Variants in EDC4 observed in about 807,000 individuals in gnomAD.
The protein encoded by EDC4 is enhancer of mRNA decapping 4.
A neutral mutation model predicts 155.8 loss-of-function variants in EDC4; 64 were observed. That is an observed-to-expected ratio of 0.41 (90% CI 0.34 to 0.51). The LOEUF (loss-of-function observed/expected upper bound fraction) is 0.51. EDC4 is among the 20% of genes least tolerant of loss of function. The pLI is 0.19. For missense variants in EDC4, 1,303 were observed against 1,812.5 expected (o/e 0.72, Z 5.10); for synonymous variants, 684 against 716.8 (o/e 0.95, Z 0.73).
Position 67,881,937 on chromosome 16 carries a change from C to A in EDC4, c.3005-17C>A, listed in dbSNP as rs2058069915. On this transcript the variant is annotated splice_polypyrimidine_tract_variant and intron_variant, in intron 22 of 28. Coordinates refer to ENST00000358933, the MANE Select transcript of EDC4 (RefSeq NM_014329.5). This position sits in a 1 kb window ranked among gnomAD's most constrained non-coding sequence, Gnocchi z 5.4. Reference sequence around the variant, plus strand: ...GTACACGACCTGCTCCAGGCCCGTTCCTTAGCTATGGCGCAGAGCGGCGGC... The same window carrying A: ...GTACACGACCTGCTCCAGGCCCGTTACTTAGCTATGGCGCAGAGCGGCGGC... The A allele has an allele frequency of 1.2e-6, 2 of 1,604,298 alleles. No homozygotes were observed. The highest frequency in any genetic ancestry group is 1.7e-6 in the Non-Finnish European group (2 of 1,173,646).
Position 67,879,806 on chromosome 16 carries a change from G to A in EDC4, c.1821+32G>A. 3 of 1,613,260 alleles carry A rather than the reference G, an allele frequency of 1.9e-6. No individual in the cohort carries two copies. Among genetic ancestry groups the A allele is most frequent in the Non-Finnish European group, 2.5e-6 (3 of 1,179,416 alleles). The stretch of plus-strand genomic sequence containing the variant: ...TCCCAGGGTAGGGGGACCTGGGAAT[G>A]CCTCAGCCACAGGCCACAGGTCTTA... On this transcript the variant is annotated intron_variant, in intron 15 of 28. Transcript: ENST00000358933. This position sits in a 1 kb window ranked among gnomAD's most constrained non-coding sequence, Gnocchi z 6.0.
In EDC4 at chr16:67,873,306, C is replaced by T. The variant is rs1319762140; in HGVS notation, c.45C>T (p.His15=). ...ASIDIEDATQ[H]LRDILKLDRP... ...TCGACATCGAGGACGCCACGCAGCA[C>T]CTGCGGGACATCCTCAAGCTGGACC... is the stretch of plus-strand genomic sequence containing the variant. Residue 15 remains histidine, a synonymous_variant, in exon 1 of 29, where the codon CAC becomes CAT. Coordinates refer to ENST00000358933, the MANE Select transcript of EDC4 (RefSeq NM_014329.5). 4 of 1,478,126 alleles carry T rather than the reference C, an allele frequency of 2.7e-6. No individual in the cohort carries two copies. Among genetic ancestry groups the T allele is most frequent in the East Asian group, 3.0e-5 (1 of 33,828 alleles). 91.6% of individuals were successfully genotyped at this position (1,478,126 alleles called of 1,614,324 possible). A position where few individuals can be genotyped will look rare whatever the true frequency, so the allele number is the denominator to read the frequency against.
chr16:67,876,840 A>G lies in EDC4; in HGVS notation c.352-33A>G. 6.2e-7 allele frequency: 1 copy of G among 1,610,428 alleles called. No individual in the cohort carries two copies. The highest frequency in any genetic ancestry group is 1.1e-5 in the South Asian group (1 of 90,466). ...TTGGGGGCCACCTAGGCTCTGGGGA[A>G]GTTCCATGACTTTTCTCACCCTGGG... is the stretch of plus-strand genomic sequence containing the variant. On this transcript the variant is annotated intron_variant, in intron 3 of 28. Transcript: ENST00000358933. This position sits in a 1 kb window ranked among gnomAD's most constrained non-coding sequence, Gnocchi z 5.8.
At chr16:67,873,747 C>T (rs1409028342) in intron 1 of EDC4, among the ~76,000 whole-genome samples, 1 of 152,150 alleles carries the variant, frequency 6.6e-6, no homozygotes. Context: ...GAAGAGCTGC[C>T]GGTCCCCCTC....
Position 67,882,389 on chromosome 16 carries a change from G to A in EDC4, c.3277-40G>A, listed in dbSNP as rs1209041865. ...TTCCTGGGCCTAGTCAGGCCAGGCT[G>A]GGCTCAGGCTTTCAACTTGGCCCCT... On this transcript the variant is annotated intron_variant, in intron 24 of 28. Transcript: ENST00000358933. The surrounding 1 kb of genome is among the most constrained non-coding windows in gnomAD (Gnocchi z 7.2). The A allele has an allele frequency of 1.2e-6, 2 of 1,612,680 alleles. No homozygotes were observed. The highest frequency in any genetic ancestry group is 2.2e-5 in the South Asian group (2 of 91,012).
intron 1 of EDC4, chr16:67,873,608 TG>T: frequency 2.6e-6 from 1 of 391,456 alleles, no homozygotes; most frequent in East Asian, 3.9e-5. Context: ...TGGGGCCCTC[TG>T]GTTTCCTGGC....
At position 67,883,694 on chromosome 16, in the gene EDC4, G is replaced by T. The variant is rs753572316; in HGVS notation, c.3976G>T (p.Ala1326Ser). 6.2e-7 allele frequency: 1 copy of T among 1,614,182 alleles called. No homozygotes were observed. The highest frequency in any genetic ancestry group is 8.5e-7 in the Non-Finnish European group (1 of 1,180,044). Residue 1326 changes from alanine to serine, a missense_variant, in exon 28 of 29, where the codon GCA (alanine) becomes TCA (serine). By Grantham distance (99) the Ala-to-Ser change is moderately conservative. This residue lies in a region of EDC4 where 527 missense variants were observed against 757.0 expected (regional missense o/e 0.70). Coordinates refer to ENST00000358933, the MANE Select transcript of EDC4 (RefSeq NM_014329.5). This position sits in a 1 kb window ranked among gnomAD's most constrained non-coding sequence, Gnocchi z 5.3. ...PVLLSLIQQL[A>S]SDLGTRTDLK... ...GCTCCTTTCCCTCATCCAGCAGCTG[G>T]CATCTGACCTTGGCACTCGAACTGA... is the stretch of plus-strand genomic sequence containing the variant.
chr16:67,878,892 G>A lies in EDC4; in HGVS notation c.1287+53G>A. 1.2e-6 allele frequency: 2 copies of A among 1,611,150 alleles called. No homozygotes were observed. The highest frequency in any genetic ancestry group is 1.3e-5 in the African/African-American group (1 of 75,054). On this transcript the variant is annotated intron_variant, in intron 11 of 28. Transcript: ENST00000358933. The surrounding 1 kb of genome is among the most constrained non-coding windows in gnomAD (Gnocchi z 5.2). ...GAGTTGGGATTATAGAGGAAGGCCGGGGGGCAGGTGGCGCATCACAGCCCT... is the reference window on the plus strand; with the variant it reads ...GAGTTGGGATTATAGAGGAAGGCCGAGGGGCAGGTGGCGCATCACAGCCCT...
chr16:67,882,764 C>T lies in EDC4; in HGVS notation c.3528C>T (p.Gly1176=). 1 of 1,614,240 alleles carries T rather than the reference C, an allele frequency of 6.2e-7. No individual in the cohort carries two copies. Among genetic ancestry groups the T allele is most frequent in the Non-Finnish European group, 8.5e-7 (1 of 1,180,050 alleles). Residue 1176 remains glycine, a synonymous_variant, in exon 26 of 29, where the codon GGC becomes GGT. Coordinates refer to ENST00000358933, the MANE Select transcript of EDC4 (RefSeq NM_014329.5). The surrounding 1 kb of genome is among the most constrained non-coding windows in gnomAD (Gnocchi z 7.2). ...AREPVLAQLR[G]LVSTLQSATE... ...AGCCTGTGCTAGCCCAGCTGCGGGG[C>T]CTGGTCAGCACACTGCAGAGTGCCA...
rs2058072405 is a variant in EDC4, at chr16:67,882,381, G to T, written c.3277-48G>T. The T allele has an allele frequency of 6.2e-7, 1 of 1,612,708 alleles. No individual in the cohort carries two copies. Among genetic ancestry groups the T allele is most frequent in the African/African-American group, 1.3e-5 (1 of 74,890 alleles). On this transcript the variant is annotated intron_variant, in intron 24 of 28. Transcript: ENST00000358933. The surrounding 1 kb of genome is among the most constrained non-coding windows in gnomAD (Gnocchi z 7.2). ...GGTGGTGGTTCCTGGGCCTAGTCAG[G>T]CCAGGCTGGGCTCAGGCTTTCAACT... is the stretch of plus-strand genomic sequence containing the variant.
rs1402001138 is a variant in EDC4, at chr16:67,884,443, G to T, written c.*295G>T. On this transcript the variant is annotated 3_prime_UTR_variant, in exon 29 of 29. Transcript: ENST00000358933. This position sits in a 1 kb window ranked among gnomAD's most constrained non-coding sequence, Gnocchi z 4.1. ...CATGTTCCTTTTTACCTCTAATTTG[G>T]ATCTTTTTGTTTTTGAAAAACATTG... is the stretch of plus-strand genomic sequence containing the variant. 4 of 522,228 alleles carry T rather than the reference G, an allele frequency of 7.7e-6. No individual in the cohort carries two copies. Among genetic ancestry groups the T allele is most frequent in the Non-Finnish European group, 1.4e-5 (4 of 296,184 alleles). The allele number at this position is 522,228 out of a possible 1,614,324, so 32.3% of individuals were successfully genotyped here.
At chr16:67,875,212 C>G (rs1361307007) in intron 1 of EDC4, among the ~76,000 whole-genome samples, 1 of 152,184 alleles carries the variant, frequency 6.6e-6, no homozygotes, top group Non-Finnish European at 1.5e-5. Context: ...ACACGCTGCC[C>G]CATAGTTTCT....
At position 67,873,231 on chromosome 16, in the gene EDC4, C is replaced by G; in HGVS notation, c.-31C>G. The stretch of plus-strand genomic sequence containing the variant: ...GTGCGCGGCGGCGGCGGAACGAACG[C>G]GGTGCGGGCGGGGCGCCCGCCGCAG... On this transcript the variant is annotated 5_prime_UTR_variant, in exon 1 of 29. Transcript: ENST00000358933. The G allele has an allele frequency of 7.3e-7, 1 of 1,372,954 alleles. No homozygotes were observed. The highest frequency in any genetic ancestry group is 1.6e-5 in the South Asian group (1 of 61,296). The allele number at this position is 1,372,954 out of a possible 1,614,324, so 85.0% of individuals were successfully genotyped here.
chr16:67,873,416 GGCCC>G, intron 1 of EDC4, 73 bp downstream of exon 1: 10 of 1,188,556 alleles, frequency 8.4e-6, no homozygotes, highest in Non-Finnish European at 1.1e-5. Context: ...CCGCCATTGG[GGCCC>G]ACAGCTCCCT....
In EDC4 at chr16:67,877,065, T is replaced by C; in HGVS notation, c.451+93T>C. 7.0e-6 allele frequency: 11 copies of C among 1,563,362 alleles called. No homozygotes were observed. The highest frequency in any genetic ancestry group is 9.5e-6 in the Non-Finnish European group (11 of 1,153,268). ...GGCCACTCAGGCCTTAGGGGTACAA[T>C]GGAAGGTTTGTCCATGCTGCCTCTT... On this transcript the variant is annotated intron_variant, in intron 4 of 28. Transcript: ENST00000358933. The surrounding 1 kb of genome is among the most constrained non-coding windows in gnomAD (Gnocchi z 4.9).
At chr16:67,875,902 G>A (rs1265391812) in intron 1 of EDC4, 43 bp from the exon 2 acceptor site, 8 of 1,590,624 alleles carry the variant, frequency 5.0e-6, no homozygotes, top group Non-Finnish European at 6.0e-6. Context: ...AGGCTTGTGG[G>A]CAGGTCGAGC....
chr16:67,882,673 C>T lies in EDC4; in HGVS notation c.3443-6C>T, dbSNP rs751654612. ...TCCTCTTATAGTCCCTGTGGTCACC[C>T]CTCAGACTTGCAGCAGCTAGAAAGC... is the stretch of plus-strand genomic sequence containing the variant. On this transcript the variant is annotated splice_region_variant and splice_polypyrimidine_tract_variant and intron_variant, in intron 25 of 28. Coordinates refer to ENST00000358933, the MANE Select transcript of EDC4 (RefSeq NM_014329.5). This position sits in a 1 kb window ranked among gnomAD's most constrained non-coding sequence, Gnocchi z 7.2. 5 of 1,614,236 alleles carry T rather than the reference C, an allele frequency of 3.1e-6. No individual in the cohort carries two copies. The highest frequency in any genetic ancestry group is 2.2e-5 in the South Asian group (2 of 91,092).
Position 67,879,939 on chromosome 16 carries a change from C to T in EDC4, c.1911C>T (p.Ser637=). 1.9e-6 allele frequency: 3 copies of T among 1,613,320 alleles called. No individual in the cohort carries two copies. Among genetic ancestry groups the T allele is most frequent in the Non-Finnish European group, 2.5e-6 (3 of 1,179,558 alleles). Residue 637 remains serine (S), a synonymous_variant, in exon 16 of 29, where the codon AGC becomes AGT. Coordinates refer to ENST00000358933, the MANE Select transcript of EDC4 (RefSeq NM_014329.5). The surrounding 1 kb of genome is among the most constrained non-coding windows in gnomAD (Gnocchi z 6.0). The stretch of plus-strand genomic sequence containing the variant: ...CCCTTACAGCTGTGTCTGCCATGAG[C>T]AGCACCTCAGCTGTGGACCCCTCCT... The part of the protein sequence containing the change: ...SSSLTAVSAM[S]STSAVDPSLT...
chr16:67,873,379 C>A, intron 1 of EDC4, 36 bp downstream of exon 1: 2 of 1,406,586 alleles, frequency 1.4e-6, no homozygotes, highest in Non-Finnish European at 1.8e-6. Context: ...CCCAGGCGAG[C>A]TGACAAAAGG....
Sources: allele counts gnomAD v4.1 joint callset (sites outside exome capture counted in the v4.1 genomes callset), GRCh38; gene constraint gnomAD v4.1.1; regional missense constraint gnomAD v4.1.1; non-coding constraint Gnocchi (gnomAD v3.1); transcripts MANE v1.5; gene names NCBI Gene and HGNC (gene_info 2026-07-23, HGNC 2026-07-21).